NREP: variants seen among roughly 807,000 people sequenced by gnomAD.
The protein encoded by NREP is neuronal regeneration-related protein.
NREP carries 5 observed loss-of-function variants against 8.6 expected under a neutral mutation model. The observed-to-expected ratio is 0.58, with a 90% confidence interval of 0.30 to 1.22. NREP has a LOEUF of 1.22. Ranked by LOEUF, NREP falls within the 50% of genes most tolerant of loss-of-function variation. NREP has a pLI of 0.07. For missense variants in NREP, 86 were observed against 82.5 expected, an observed-to-expected ratio of 1.04 and a Z score of -0.17; for synonymous variants, 27 against 28.0, an observed-to-expected ratio of 0.96 and a Z score of 0.11.
chr5:111,745,332 G>A (rs1174877052), intron 2 of NREP, among the ~76,000 whole-genome samples: 2 of 152,192 alleles, frequency 1.3e-5, no homozygotes, highest in Non-Finnish European at 2.9e-5. Context: ...GGAAAGACCA[G>A]TCTTAGAGTA....
At chr5:111,876,395 C>A (rs761327918) in intron 2 of NREP, among the ~76,000 whole-genome samples, 41 of 152,150 alleles carry the variant, frequency 2.7e-4, no homozygotes, top group Non-Finnish European at 5.6e-4. Context: ...ACTTCATTGG[C>A]CATTAGTGAT....
At chr5:111,738,986 C>T (rs1749407325) in intron 2 of NREP, 2 of 152,252 alleles carry the variant, frequency 1.3e-5, no homozygotes, top group Non-Finnish European at 2.9e-5. Context: ...AGAAACCAAC[C>T]CTGCCAACAT....
chr5:111,789,624 G>A (rs1751694000), intron 2 of NREP, among the ~76,000 whole-genome samples: 1 of 152,100 alleles, frequency 6.6e-6, no homozygotes, highest in African/African-American at 2.4e-5. Flanking sequence ...TCTACCATGG[G>A]TAAAGCATAT....
At chr5:111,773,637 A>C (rs1236212185) in intron 2 of NREP, among the ~76,000 whole-genome samples, 1 of 152,184 alleles carries the variant, frequency 6.6e-6, no homozygotes, top group Non-Finnish European at 1.5e-5. Context: ...TTTCACGCAA[A>C]AATGTCTCTA....
At chr5:111,733,334 G>C (rs1369134037) in intron 3 of NREP, 1 of 152,092 alleles carries the variant, frequency 6.6e-6, no homozygotes, top group Non-Finnish European at 1.5e-5. Flanking sequence ...AGGGCCCACA[G>C]GGAGGTGTGC....
chr5:111,737,410 C>T (rs1749226018), intron 2 of NREP, among the ~76,000 whole-genome samples: 1 of 152,072 alleles, frequency 6.6e-6, no homozygotes, highest in Non-Finnish European at 1.5e-5. Flanking sequence ...ATTTCAAGTA[C>T]AGTCTTAAAA....
At chr5:111,930,913 C>G (rs1755519165) in intron 2 of NREP, among the ~76,000 whole-genome samples, 1 of 152,078 alleles carries the variant, frequency 6.6e-6, no homozygotes, top group East Asian at 1.9e-4. Flanking sequence ...AAGACACAAT[C>G]CACTTGTCCT....
At chr5:111,787,524 A>G (rs1751640193) in intron 2 of NREP, among the ~76,000 whole-genome samples, 1 of 152,132 alleles carries the variant, frequency 6.6e-6, no homozygotes, top group South Asian at 2.1e-4. Flanking sequence ...AGAGTTGGAG[A>G]TATTCATAAC....
intron 2 of NREP, among the ~76,000 whole-genome samples, chr5:111,971,673 G>A (rs533401702): frequency 2.6e-5 from 4 of 152,262 alleles, no homozygotes; most frequent in South Asian, 2.1e-4. Flanking sequence ...ATACCCACAC[G>A]TAGAAGAATG....
chr5:111,881,520 T>G (rs1158492414), intron 2 of NREP, among the ~76,000 whole-genome samples: 1 of 152,166 alleles, frequency 6.6e-6, no homozygotes, highest in Non-Finnish European at 1.5e-5. Context: ...ATGGGCAGAC[T>G]GCCTCCTCAA....
At chr5:111,862,931 G>T (rs1753583416) in intron 2 of NREP, among the ~76,000 whole-genome samples, 1 of 150,120 alleles carries the variant, frequency 6.7e-6, no homozygotes, top group Non-Finnish European at 1.5e-5. Context: ...AGGTGAGCAG[G>T]ATACTAGATC....
chr5:111,800,857 C>G (rs1166058790), intron 2 of NREP, among the ~76,000 whole-genome samples: 1 of 152,194 alleles, frequency 6.6e-6, no homozygotes, highest in Non-Finnish European at 1.5e-5. Flanking sequence ...CATGCATGTT[C>G]TCAAGATAAA....
At chr5:111,884,818 C>A (rs921193926) in intron 2 of NREP, among the ~76,000 whole-genome samples, 1 of 152,098 alleles carries the variant, frequency 6.6e-6, no homozygotes, top group Non-Finnish European at 1.5e-5. Flanking sequence ...TTTGATGGGA[C>A]GTATCTCAAA....
intron 2 of NREP, among the ~76,000 whole-genome samples, chr5:111,914,037 G>A (rs1016165042): frequency 1.3e-5 from 2 of 152,118 alleles, no homozygotes; most frequent in African/African-American, 4.8e-5. Context: ...AGTCAATTTA[G>A]TAGATAAAAC....
At chr5:111,852,850 C>T (rs1753343173) in intron 2 of NREP, among the ~76,000 whole-genome samples, 1 of 152,164 alleles carries the variant, frequency 6.6e-6, no homozygotes, top group South Asian at 2.1e-4. Context: ...TTGGCTCTGC[C>T]ACTTTAGTCC....
chr5:111,896,187 CA>C (rs1754507668), intron 2 of NREP, among the ~76,000 whole-genome samples: 1 of 151,990 alleles, frequency 6.6e-6, no homozygotes, highest in Middle Eastern at 3.2e-3. Context: ...AATCTATGTG[CA>C]AAACGTTGAC....
intron 2 of NREP, among the ~76,000 whole-genome samples, chr5:111,740,971 T>C (rs904032386): frequency 2.0e-5 from 3 of 152,208 alleles, no homozygotes; most frequent in Non-Finnish European, 2.9e-5. Flanking sequence ...AGAGGCTAAA[T>C]ACACCACACA....
chr5:111,747,640 G>A (rs1201159580), intron 2 of NREP, among the ~76,000 whole-genome samples: 1 of 152,024 alleles, frequency 6.6e-6, no homozygotes, highest in Non-Finnish European at 1.5e-5. Context: ...CAACTACTTG[G>A]CTACTCCCCC....
chr5:111,943,455 T>C (rs1755887998), intron 2 of NREP, among the ~76,000 whole-genome samples: 1 of 152,058 alleles, frequency 6.6e-6, no homozygotes, highest in Non-Finnish European at 1.5e-5. Flanking sequence ...ACAAACCAAA[T>C]GATTACTCTT....
Sources: allele counts gnomAD v4.1 joint callset (sites outside exome capture counted in the v4.1 genomes callset), GRCh38; gene constraint gnomAD v4.1.1; transcripts MANE v1.5; gene names NCBI Gene and HGNC (gene_info 2026-07-23, HGNC 2026-07-21).